DLG2: variants seen among roughly 807,000 people sequenced by gnomAD.
The protein encoded by DLG2 is discs large MAGUK scaffold protein 2.
In DLG2, 45 loss-of-function variants were observed where a neutral mutation model predicts 132.5. That is an observed-to-expected ratio of 0.34 (90% CI 0.27 to 0.44). The LOEUF is 0.44. DLG2 is among the 20% of genes least tolerant of loss of function. The pLI is 1.00. For missense variants in DLG2, 1,045 were observed against 1,196.9 expected (o/e 0.87, Z 1.87); for synonymous variants, 424 against 419.6 (o/e 1.01, Z -0.13).
chr11:84,331,615 G>A (rs1291470667), intron 7 of DLG2, among the ~76,000 whole-genome samples: 1 of 150,744 alleles, frequency 6.6e-6, no homozygotes, highest in South Asian at 2.1e-4. Flanking sequence ...CGGGTGGGTG[G>A]TGGTGGGAAA....
chr11:84,303,717 A>G (rs988683754), intron 7 of DLG2, among the ~76,000 whole-genome samples: 4 of 152,204 alleles, frequency 2.6e-5, no homozygotes, highest in Non-Finnish European at 5.9e-5. Flanking sequence ...ACAGAATTGA[A>G]TAAGAATCTG....
intron 3 of DLG2, among the ~76,000 whole-genome samples, chr11:85,572,949 A>G (rs2077933108): frequency 6.6e-6 from 1 of 152,236 alleles, no homozygotes; most frequent in African/African-American, 2.4e-5. Flanking sequence ...CAGATCCCTC[A>G]TGAATGGCCT....
intron 3 of DLG2, among the ~76,000 whole-genome samples, chr11:85,456,265 T>G (rs1342818445): frequency 6.6e-6 from 1 of 152,200 alleles, no homozygotes; most frequent in Non-Finnish European, 1.5e-5. Context: ...GAGGTGCTCA[T>G]AGTAGTTCTG....
intron 7 of DLG2, among the ~76,000 whole-genome samples, chr11:84,444,907 A>G (rs1160324353): frequency 6.6e-6 from 1 of 151,352 alleles, no homozygotes; most frequent in Admixed American, 6.6e-5. Flanking sequence ...GGTTGAAGCG[A>G]TTCTCCTGCC....
At chr11:84,171,593 T>C (rs1227679542) in intron 8 of DLG2, among the ~76,000 whole-genome samples, 1 of 152,226 alleles carries the variant, frequency 6.6e-6, no homozygotes, top group African/African-American at 2.4e-5. Flanking sequence ...ATTGTATACA[T>C]ATACCAAATT....
intron 6 of DLG2, among the ~76,000 whole-genome samples, chr11:85,083,139 G>A (rs1310093173): frequency 6.6e-6 from 1 of 152,096 alleles, no homozygotes; most frequent in Non-Finnish European, 1.5e-5. Context: ...CCATAATCAT[G>A]GAAGCAGGAA....
intron 19 of DLG2, among the ~76,000 whole-genome samples, chr11:83,594,831 G>A (rs1251707406): frequency 1.3e-5 from 2 of 152,278 alleles, no homozygotes; most frequent in Middle Eastern, 3.4e-3. Context: ...GCTCCCACTC[G>A]TCCCTACTTT....
At chr11:84,510,418 G>A (rs543342996) in intron 7 of DLG2, among the ~76,000 whole-genome samples, 28 of 152,122 alleles carry the variant, frequency 1.8e-4, no homozygotes, top group African/African-American at 6.7e-4. Context: ...GAAAGCGCCA[G>A]AAATTCCTAA....
Position 84,446,128 on chromosome 11 carries a change from A to G in DLG2, c.519+88442T>C, listed in dbSNP as rs373461526. 7.9e-5 allele frequency among the ~76,000 whole-genome samples: 12 copies of G among 151,760 alleles called. No homozygotes were observed. In the South Asian group the frequency reaches 2.3e-3, roughly 29 times the overall value. On this transcript the variant is annotated intron_variant, in intron 7 of 27. Coordinates refer to ENST00000376104, the MANE Select transcript of DLG2 (RefSeq NM_001142699.3). ...TCCTCAGATCTAATTACTATTTTCT[A>G]ATTTCTATTTTTACCTTAAATTTCA... is the stretch of plus-strand genomic sequence containing the variant.
At chr11:84,960,313 A>C (rs1240943985) in intron 6 of DLG2, among the ~76,000 whole-genome samples, 2 of 152,278 alleles carry the variant, frequency 1.3e-5, no homozygotes, top group Non-Finnish European at 1.5e-5. Context: ...AATGAAATAA[A>C]GGAATATTTA....
At chr11:83,660,272 A>G (rs1427129605) in intron 18 of DLG2, among the ~76,000 whole-genome samples, 1 of 152,238 alleles carries the variant, frequency 6.6e-6, no homozygotes, top group Non-Finnish European at 1.5e-5. Flanking sequence ...AATCTGAAAG[A>G]TTCTGTGACA....
intron 3 of DLG2, among the ~76,000 whole-genome samples, chr11:85,387,993 C>T (rs2086488853): frequency 6.6e-6 from 1 of 152,210 alleles, no homozygotes; most frequent in African/African-American, 2.4e-5. Context: ...CATGGGACAG[C>T]TGAGGAACTG....
rs895624830 is a variant in DLG2 at position 85,246,517 on chromosome 11, A to G, written c.186+38703T>C. On this transcript the variant is annotated intron_variant, in intron 4 of 27. Transcript: ENST00000376104. ...TACTGTGTTTATTACTGTCTCTCAC[A>G]TGCTCCCTCTCCACGTCCCTCCCCC... Among the ~76,000 whole-genome samples, 12 of 151,752 alleles carry G rather than the reference A, an allele frequency of 7.9e-5. No individual in the cohort carries two copies. In the East Asian group the frequency reaches 1.9e-3, roughly 25 times the overall value.
intron 14 of DLG2, among the ~76,000 whole-genome samples, chr11:83,953,959 C>A (rs1448331642): frequency 6.6e-6 from 1 of 152,150 alleles, no homozygotes; most frequent in Non-Finnish European, 1.5e-5. Context: ...GATGAACTTA[C>A]TCCATTAAAA....
intron 7 of DLG2, among the ~76,000 whole-genome samples, chr11:84,338,816 T>C (rs1399534072): frequency 1.3e-5 from 2 of 151,780 alleles, no homozygotes; most frequent in South Asian, 2.1e-4. Context: ...AAAATAACAA[T>C]AATAATAATA....
At chr11:84,503,180 C>T (rs757671168) in intron 7 of DLG2, among the ~76,000 whole-genome samples, 6 of 152,094 alleles carry the variant, frequency 3.9e-5, no homozygotes, top group African/African-American at 7.2e-5. Context: ...TGGAATAAAC[C>T]TTTGCATTGG....
At chr11:84,392,808 A>G (rs141394119) in intron 7 of DLG2, among the ~76,000 whole-genome samples, 88 of 152,284 alleles carry the variant, frequency 5.8e-4, no homozygotes, top group African/African-American at 1.9e-3. Context: ...CTTAGTTACT[A>G]TAGACAGAGC....
intron 6 of DLG2, among the ~76,000 whole-genome samples, chr11:84,961,288 A>G (rs1801474358): frequency 6.6e-6 from 1 of 151,944 alleles, no homozygotes; most frequent in Admixed American, 6.6e-5. Context: ...ATACCAGTGT[A>G]GCTCATGCCT....
intron 6 of DLG2, among the ~76,000 whole-genome samples, chr11:84,606,614 AT>A (rs2099586162): frequency 1.3e-5 from 2 of 152,190 alleles, no homozygotes. Flanking sequence ...ATTGTGACAC[AT>A]AAGTGAAACT....
Sources: gnomAD v4.1 joint callset for allele counts (sites outside exome capture counted in the v4.1 genomes callset) on GRCh38, gnomAD v4.1.1 for gene constraint, MANE v1.5 for transcripts, NCBI Gene and HGNC (gene_info 2026-07-23, HGNC 2026-07-21) for gene names.